Variants in SLIT1 observed in about 807,000 individuals in gnomAD.
The protein encoded by SLIT1 is slit homolog 1 protein.
Under a neutral mutation model 186.1 loss-of-function variants are expected in SLIT1, and 66 were observed. The ratio of observed to expected loss-of-function variants is 0.35; its 90% confidence interval spans 0.29 to 0.44. The LOEUF (loss-of-function observed/expected upper bound fraction) is 0.44, where lower values mean the gene tolerates loss of function less well. SLIT1 is among the 20% of genes least tolerant of loss of function. The probability of loss-of-function intolerance (pLI) is 1.00; values close to 1 mark genes in which losing one functional copy is unlikely to be tolerated. For synonymous variants in SLIT1, 761 were observed against 833.8 expected (o/e 0.91, Z 1.50); for missense variants, 1,638 against 2,037.4 (o/e 0.80, Z 3.77).
At position 97,010,256 on chromosome 10, in the gene SLIT1, A is replaced by G. The variant is rs148985121; in HGVS notation, c.3341+737T>C. 7.7e-3 allele frequency among the ~76,000 whole-genome samples: 1,167 copies of G among 152,368 alleles called. 49 individuals carry two copies. Among genetic ancestry groups the G allele is most frequent in the Admixed American group, 0.072 (1,095 of 15,306 alleles). On this transcript the variant is annotated intron_variant, in intron 31 of 36. Transcript: ENST00000266058. This position sits in a 1 kb window ranked among gnomAD's most constrained non-coding sequence, Gnocchi z 4.8. ...AAGGAATGAAGTGCCGACACATGTT[A>G]CCACACGGATGAACCTCAAAACATG... is the stretch of plus-strand genomic sequence containing the variant.
At chr10:97,164,729 C>T (rs1301958488) in intron 2 of SLIT1, 90 bp downstream of exon 2, 6 of 982,110 alleles carry the variant, frequency 6.1e-6, no homozygotes, top group African/African-American at 1.6e-5. Context: ...GCCCAGACAG[C>T]CCACCACCCT....
rs1234582952 is a variant in SLIT1 at position 97,037,638 on chromosome 10, C to G, written c.2366+60G>C. On this transcript the variant is annotated intron_variant, in intron 22 of 36. Transcript: ENST00000266058. ...GGTCCGTAGGAAATTCCAGGAAAGC[C>G]GGAGTCCTGATGGTTAGATGCCAAA... 3.8e-6 allele frequency: 5 copies of G among 1,324,336 alleles called. No individual in the cohort carries two copies. In the African/African-American group the frequency reaches 5.8e-5, roughly 15 times the overall value. The allele number at this position is 1,324,336 out of a possible 1,614,324, so 82.0% of individuals were successfully genotyped here.
At chr10:97,076,219 A>G (rs1471063971) in intron 4 of SLIT1, among the ~76,000 whole-genome samples, 1 of 152,144 alleles carries the variant, frequency 6.6e-6, no homozygotes, top group Non-Finnish European at 1.5e-5. Flanking sequence ...ACAGCAGAGG[A>G]AGACTTGGCA....
chr10:97,020,980 T>C (rs934637300), intron 26 of SLIT1, among the ~76,000 whole-genome samples: 1 of 152,238 alleles, frequency 6.6e-6, no homozygotes, highest in African/African-American at 2.4e-5. Flanking sequence ...GGCTTGGAGC[T>C]TCCAGAAACA....
intron 4 of SLIT1, among the ~76,000 whole-genome samples, chr10:97,114,732 A>G (rs1253809743): frequency 6.6e-6 from 1 of 152,192 alleles, no homozygotes; most frequent in African/African-American, 2.4e-5. Flanking sequence ...CCTTAGCTCA[A>G]GGAAGAGTCC....
intron 1 of SLIT1, among the ~76,000 whole-genome samples, chr10:97,166,623 G>GAGAGAGAAA (rs1554854787): frequency 9.4e-5 from 4 of 42,660 alleles, no homozygotes; most frequent in Non-Finnish European, 1.4e-4. Flanking sequence ...AAGAAAGAAA[G>GAGAGAGAAA]AGAAAAGAAA....
chr10:97,149,358 A>G (rs1050510343), intron 4 of SLIT1, among the ~76,000 whole-genome samples: 1 of 152,220 alleles, frequency 6.6e-6, no homozygotes, highest in Non-Finnish European at 1.5e-5. Context: ...AGAGTGCTCC[A>G]TAATTGCCAA....
At chr10:97,037,092 GTGTGTGTA>G (rs1373042035) in intron 22 of SLIT1, among the ~76,000 whole-genome samples, 37 of 140,248 alleles carry the variant, frequency 2.6e-4, no homozygotes, top group South Asian at 2.0e-3. Flanking sequence ...GTGTGTGTGT[GTGTGTGTA>G]TGTGTGTGTG....
chr10:97,139,200 G>C (rs1182555910), intron 4 of SLIT1, among the ~76,000 whole-genome samples: 1 of 152,218 alleles, frequency 6.6e-6, no homozygotes, highest in East Asian at 1.9e-4. Flanking sequence ...CGAGAATTCA[G>C]TTACCTTCAG....
intron 35 of SLIT1, 85 bp from the exon 36 acceptor site, chr10:97,002,454 C>T (rs1848319817): frequency 2.0e-6 from 2 of 1,015,188 alleles, no homozygotes; most frequent in South Asian, 3.3e-5. Context: ...ACACAGCCCA[C>T]CCCACCCAGC....
At chr10:97,082,291 C>T (rs560376048) in intron 4 of SLIT1, among the ~76,000 whole-genome samples, 10 of 152,252 alleles carry the variant, frequency 6.6e-5, no homozygotes, top group African/African-American at 1.4e-4. Flanking sequence ...GTGTGACACA[C>T]GATTGTTATT....
chr10:97,047,896 T>C (rs1589374136), intron 15 of SLIT1, 62 bp from the exon 16 acceptor site: 2 of 1,613,042 alleles, frequency 1.2e-6, no homozygotes. Context: ...GCAGTTTGGG[T>C]CAACCAAGGC....
In SLIT1 at chr10:97,003,050, C is replaced by T. The variant is rs1848326715; in HGVS notation, c.3866-58G>A. On this transcript the variant is annotated intron_variant, in intron 34 of 36. Coordinates refer to ENST00000266058, the MANE Select transcript of SLIT1 (RefSeq NM_003061.3). The stretch of plus-strand genomic sequence containing the variant: ...GTAAAGCTCGGGCTATGCCGGGCAC[C>T]CACCCCTGAGGTCTGGGCAGCTCCA... The T allele has an allele frequency of 3.9e-6, 6 of 1,547,038 alleles. No individual in the cohort carries two copies. The Admixed American group carries it at 8.6e-5, about 22-fold the overall frequency.
intron 36 of SLIT1, among the ~76,000 whole-genome samples, chr10:97,001,756 C>A (rs1848312063): frequency 6.6e-6 from 1 of 152,052 alleles, no homozygotes; most frequent in South Asian, 2.1e-4. Context: ...CCTTAGCAGT[C>A]CGGATTCCAG....
chr10:97,030,562 GTTC>G (rs1428062458), intron 25 of SLIT1, among the ~76,000 whole-genome samples, 192 bp downstream of exon 25: 5 of 152,210 alleles, frequency 3.3e-5, no homozygotes, highest in African/African-American at 1.2e-4. Context: ...GCGAGGAACT[GTTC>G]TTCTACTCTA....
chr10:97,080,920 C>G (rs1421452823), intron 4 of SLIT1, among the ~76,000 whole-genome samples: 1 of 152,204 alleles, frequency 6.6e-6, no homozygotes, highest in Non-Finnish European at 1.5e-5. Context: ...TGGCCTGGTA[C>G]CTGATCTCAG....
intron 27 of SLIT1, 28 bp downstream of exon 27, chr10:97,018,955 C>T (rs776557609): frequency 6.0e-5 from 86 of 1,427,988 alleles, no homozygotes; most frequent in Non-Finnish European, 7.8e-5. Context: ...AAGAGCCCTC[C>T]TCCTCCCCGG....
chr10:97,074,789 T>C (rs71486103), intron 4 of SLIT1, among the ~76,000 whole-genome samples: 21,453 of 152,282 alleles, frequency 0.14, 1,606 homozygotes, highest in Middle Eastern at 0.23. Context: ...CCAGGCACCC[T>C]GCTCTGGCTG....
chr10:97,063,428 G>T (rs1206913762), intron 8 of SLIT1, 27 bp downstream of exon 8: 2 of 1,610,784 alleles, frequency 1.2e-6, no homozygotes, highest in African/African-American at 2.7e-5. Flanking sequence ...CCGGACAGTT[G>T]AGAGCCCGGC....
Sources: gnomAD v4.1 joint callset for allele counts (sites outside exome capture counted in the v4.1 genomes callset) on GRCh38, gnomAD v4.1.1 for gene constraint, Gnocchi (gnomAD v3.1) non-coding constraint, MANE v1.5 for transcripts, NCBI Gene and HGNC (gene_info 2026-07-23, HGNC 2026-07-21) for gene names.